Variants in SENP1 observed in about 807,000 individuals in gnomAD.
The protein encoded by SENP1 is sentrin-specific protease 1.
SENP1 carries 21 observed loss-of-function variants against 93.0 expected under a neutral mutation model. The observed-to-expected ratio is 0.23, with a 90% confidence interval of 0.16 to 0.33. The LOEUF is 0.33. SENP1 is among the 10% of genes least tolerant of loss of function. The pLI is 1.00. For missense variants in SENP1, 591 were observed against 758.7 expected (o/e 0.78, Z 2.60); for synonymous variants, 256 against 259.6 (o/e 0.99, Z 0.13).
intron 12 of SENP1, 70 bp from the exon 13 acceptor site, chr12:48,063,911 CCCATATAATCCTCAGACTATATTTATCA>C: frequency 7.4e-7 from 1 of 1,346,956 alleles, no homozygotes; most frequent in African/African-American, 1.4e-5. Context: ...CTCACCAAAC[CCCATATAATCCTCAGACTATATTTATCA>C]CCATTCGATT....
At chr12:48,052,590 G>A (rs1941899495) in intron 13 of SENP1, among the ~76,000 whole-genome samples, 1 of 152,140 alleles carries the variant, frequency 6.6e-6, no homozygotes, top group Non-Finnish European at 1.5e-5. Context: ...TCACTCACAG[G>A]AGCTAACCTA....
chr12:48,082,567 C>T (rs957098025), intron 6 of SENP1, among the ~76,000 whole-genome samples: 2 of 152,180 alleles, frequency 1.3e-5, no homozygotes, highest in Non-Finnish European at 2.9e-5. Context: ...AGCTCTAATG[C>T]TATTTAAATG....
rs78939680 is a variant in SENP1, at chr12:48,054,490, C to T, written c.1408-5358G>A. 2.4e-4 allele frequency among the ~76,000 whole-genome samples: 36 copies of T among 152,142 alleles called. 1 individual carries two copies. In the East Asian group the frequency reaches 5.4e-3, roughly 23 times the overall value. On this transcript the variant is annotated intron_variant, in intron 13 of 17. Coordinates refer to ENST00000549518, the MANE Select transcript of SENP1 (RefSeq NM_001267594.2). ...TAACTTTTGTAAACCTATGTCTTTA[C>T]ATTTAAAATGGTTCCTTGGCCAGGC...
intron 14 of SENP1, 30 bp from the exon 15 acceptor site, chr12:48,048,110 T>G: frequency 6.9e-7 from 1 of 1,440,700 alleles, no homozygotes; most frequent in Non-Finnish European, 9.7e-7. Flanking sequence ...TCTCTGTGTT[T>G]ATGAGATGAA....
rs573564729 is a variant in SENP1 at position 48,076,329 on chromosome 12, C to T, written c.553-1536G>A. Among the ~76,000 whole-genome samples, 6 of 152,016 alleles carry T rather than the reference C, an allele frequency of 3.9e-5. No individual in the cohort carries two copies. In the South Asian group the frequency reaches 8.3e-4, roughly 21 times the overall value. ...TGTTTTTAGTAGAGATGGGGTTTCACCATGTTAGCCAGGATAGTCTCGATC... is the reference window on the plus strand; with the variant it reads ...TGTTTTTAGTAGAGATGGGGTTTCATCATGTTAGCCAGGATAGTCTCGATC... On this transcript the variant is annotated intron_variant, in intron 6 of 17. Transcript: ENST00000549518.
chr12:48,102,309 G>A (rs1045007721), intron 1 of SENP1, among the ~76,000 whole-genome samples: 4 of 151,654 alleles, frequency 2.6e-5, no homozygotes, highest in Non-Finnish European at 4.4e-5. Context: ...ATACGTGCCT[G>A]TAATCCCAGC....
chr12:48,047,863 T>C (rs1042070970), intron 15 of SENP1, 138 bp downstream of exon 15: 6 of 616,258 alleles, frequency 9.7e-6, no homozygotes, highest in African/African-American at 3.7e-5. Context: ...CTTACTTAGA[T>C]ACAAAATATG....
In SENP1 at chr12:48,088,860, T is replaced by C. The variant is rs1238636075; in HGVS notation, c.321A>G (p.Ser107=). 1 of 1,607,122 alleles carries C rather than the reference T, an allele frequency of 6.2e-7. No homozygotes were observed. The highest frequency in any genetic ancestry group is 1.7e-5 in the Admixed American group (1 of 59,048). Residue 107 remains serine (S), a synonymous_variant, in exon 5 of 18, where the codon TCA becomes TCG. Transcript: ENST00000549518. ...GGCTGTTTCTTGATTTTTGTAAAGATGAGCTTGACGATGGGGTAGAATTTC... is the reference window on the plus strand; with the variant it reads ...GGCTGTTTCTTGATTTTTGTAAAGACGAGCTTGACGATGGGGTAGAATTTC... ...QWRNSTPSSS[S]SLQKSRNSRS...
intron 4 of SENP1, among the ~76,000 whole-genome samples, chr12:48,093,034 T>C (rs924110907): frequency 6.6e-6 from 1 of 152,180 alleles, no homozygotes; most frequent in Non-Finnish European, 1.5e-5. Flanking sequence ...ACACACCCAT[T>C]ATCCCAAATC....
At chr12:48,071,548 G>A (rs1943700456) in intron 9 of SENP1, 119 bp downstream of exon 9, 4 of 622,908 alleles carry the variant, frequency 6.4e-6, no homozygotes, top group Non-Finnish European at 1.1e-5. Flanking sequence ...CCAGGGAGGT[G>A]GAGGTTGCAG....
chr12:48,052,592 G>A (rs909242241), intron 13 of SENP1, among the ~76,000 whole-genome samples: 1 of 152,170 alleles, frequency 6.6e-6, no homozygotes, highest in Non-Finnish European at 1.5e-5. Context: ...ACTCACAGGA[G>A]CTAACCTAGT....
At chr12:48,087,651 G>C (rs1162325224) in intron 5 of SENP1, among the ~76,000 whole-genome samples, 1 of 152,204 alleles carries the variant, frequency 6.6e-6, no homozygotes, top group Non-Finnish European at 1.5e-5. Context: ...TGCTGGTAAT[G>C]TGTTGATTTC....
chr12:48,063,293 GAGT>G (rs1943080135), intron 13 of SENP1, among the ~76,000 whole-genome samples: 1 of 152,294 alleles, frequency 6.6e-6, no homozygotes, highest in East Asian at 1.9e-4. Flanking sequence ...GATCTAAAAT[GAGT>G]AGAACTTAGG....
At chr12:48,063,906 CA>C in intron 12 of SENP1, 65 bp from the exon 13 acceptor site, 1 of 1,433,686 alleles carries the variant, frequency 7.0e-7, no homozygotes, top group Non-Finnish European at 9.5e-7. Flanking sequence ...TATTTCTCAC[CA>C]AACCCCATAT....
chr12:48,069,161 AAAAAAAAAAAAAAAAAAG>A (rs1217686115), intron 9 of SENP1, among the ~76,000 whole-genome samples: 1 of 146,832 alleles, frequency 6.8e-6, no homozygotes, highest in Non-Finnish European at 1.5e-5. Context: ...ACAAAAAAAA[AAAAAAAAAAAAAAAAAAG>A]AAAGAAAGAA....
intron 6 of SENP1, among the ~76,000 whole-genome samples, chr12:48,082,411 C>T (rs1944553303): frequency 6.6e-6 from 1 of 152,194 alleles, no homozygotes; most frequent in Non-Finnish European, 1.5e-5. Context: ...TTCAGAAGTT[C>T]TGGGTTCTAG....
Position 48,045,404 on chromosome 12 carries a change from C to T in SENP1, c.1873-20G>A. The T allele has an allele frequency of 6.2e-7, 1 of 1,611,360 alleles. No individual in the cohort carries two copies. Among genetic ancestry groups the T allele is most frequent in the East Asian group, 2.2e-5 (1 of 44,860 alleles). On this transcript the variant is annotated intron_variant, in intron 17 of 17. Transcript: ENST00000549518. ...GTGTTGCTGTAGGGACACAGAGACA[C>T]CCTTAATTTTCAATGCTTTTGTCTA...
At chr12:48,056,138 TTA>T (rs1363999370) in intron 13 of SENP1, among the ~76,000 whole-genome samples, 1 of 40,910 alleles carries the variant, frequency 2.4e-5, no homozygotes, top group Non-Finnish European at 4.3e-5. Context: ...ATATATTATT[TTA>T]TATATATTAT....
At chr12:48,049,179 C>T in intron 13 of SENP1, 47 bp from the exon 14 acceptor site, 1 of 1,456,758 alleles carries the variant, frequency 6.9e-7, no homozygotes, top group Non-Finnish European at 9.6e-7. Flanking sequence ...CAGGCCTAGC[C>T]TTTCAAAATA....
Sources: gnomAD v4.1 joint callset for allele counts (sites outside exome capture counted in the v4.1 genomes callset) on GRCh38, gnomAD v4.1.1 for gene constraint, MANE v1.5 for transcripts, NCBI Gene and HGNC (gene_info 2026-07-23, HGNC 2026-07-21) for gene names.